The following MTMR8 variants were observed in gnomAD, a reference collection of about 807,000 sequenced individuals.
MTMR8 encodes phosphatidylinositol-3,5-bisphosphate 3-phosphatase MTMR8.
In MTMR8, 65 loss-of-function variants were observed where a neutral mutation model predicts 39.3. The observed-to-expected ratio is 1.65, with a 90% CI of 1.35 to 2.03. The LOEUF (loss-of-function observed/expected upper bound fraction) is 2.03. MTMR8 is among the 30% of genes most tolerant of loss of function. The probability of loss-of-function intolerance (pLI) is 0.00; values close to 1 mark genes in which losing one functional copy is unlikely to be tolerated. For missense variants in MTMR8, 777 were observed against 538.9 expected (o/e 1.44, Z -4.37); for synonymous variants, 245 against 185.2 (o/e 1.32, Z -2.62).
intron 12 of MTMR8, among the ~76,000 whole-genome samples, chrX:64,281,773 G>A (rs1324728647): frequency 2.7e-5 from 3 of 109,787 alleles, no homozygotes; most frequent in African/African-American, 1.0e-4. Flanking sequence ...CTACAAAATG[G>A]GAGAAAATTT....
intron 1 of MTMR8, among the ~76,000 whole-genome samples, chrX:64,370,600 C>G (rs1924104181): frequency 8.9e-6 from 1 of 111,843 alleles, no homozygotes; most frequent in African/African-American, 3.3e-5. Flanking sequence ...CATTTATCTA[C>G]TGAGGCCTTG....
intron 12 of MTMR8, among the ~76,000 whole-genome samples, chrX:64,300,405 C>CT (rs1326885626): frequency 7.2e-5 from 8 of 111,158 alleles, no homozygotes; most frequent in Non-Finnish European, 1.3e-4. Flanking sequence ...CAAACCCTGC[C>CT]TTTTTTTGTT....
In MTMR8 at chrX:64,335,974, T is replaced by A; in HGVS notation, c.1151+105A>T. 3 of 553,207 alleles carry A rather than the reference T, an allele frequency of 5.4e-6. No homozygotes were observed. The South Asian group carries it at 1.3e-4, about 24-fold the overall frequency. 45.6% of individuals were successfully genotyped at this position (553,207 alleles called of 1,213,427 possible). ...TTGATGAAAAGAGATTTATGCCATGTTCAACTTCCTCTTCCTTCCTTTACA... is the reference window on the plus strand; with the variant it reads ...TTGATGAAAAGAGATTTATGCCATGATCAACTTCCTCTTCCTTCCTTTACA... On this transcript the variant is annotated intron_variant, in intron 10 of 13. Transcript: ENST00000374852.
intron 12 of MTMR8, among the ~76,000 whole-genome samples, chrX:64,296,822 T>C (rs1487908540): frequency 2.1e-5 from 2 of 94,140 alleles, no homozygotes; most frequent in African/African-American, 8.0e-5. Flanking sequence ...TGAGTGAGAA[T>C]ATGCGGTGTT....
intron 6 of MTMR8, among the ~76,000 whole-genome samples, chrX:64,345,469 A>C (rs937429842): frequency 7.1e-5 from 8 of 112,199 alleles, no homozygotes; most frequent in Non-Finnish European, 1.5e-4. Context: ...TGATCTAAAA[A>C]ACTGAAATAA....
At chrX:64,341,854 C>T (rs1923228103) in intron 8 of MTMR8, among the ~76,000 whole-genome samples, 1 of 111,938 alleles carries the variant, frequency 8.9e-6, no homozygotes, top group African/African-American at 3.3e-5. Flanking sequence ...GGAATGTTTA[C>T]ATTTTATGTT....
chrX:64,268,298 T>C lies in MTMR8; in HGVS notation c.*239A>G, dbSNP rs956916251. 4 of 363,434 alleles carry C rather than the reference T, an allele frequency of 1.1e-5. No individual in the cohort carries two copies. Among genetic ancestry groups the C allele is most frequent in the Admixed American group, 5.2e-5 (1 of 19,346 alleles). The allele number at this position is 363,434 out of a possible 1,213,427, so 30.0% of individuals were successfully genotyped here. On this transcript the variant is annotated 3_prime_UTR_variant, in exon 14 of 14. Coordinates refer to ENST00000374852, the MANE Select transcript of MTMR8 (RefSeq NM_017677.4). ...TCTCAGCTGAGAGGCAACATTTCTA[T>C]AGTTAAATCCCATTTTAGAACAATA...
intron 6 of MTMR8, among the ~76,000 whole-genome samples, chrX:64,346,815 C>T (rs768622538): frequency 1.8e-5 from 2 of 110,607 alleles, no homozygotes; most frequent in Admixed American, 9.6e-5. Flanking sequence ...GTTCTCTTTA[C>T]TATTTTAAGA....
chrX:64,291,364 C>G (rs1257731483), intron 12 of MTMR8, among the ~76,000 whole-genome samples: 1 of 111,102 alleles, frequency 9.0e-6, no homozygotes, highest in Non-Finnish European at 1.9e-5. Flanking sequence ...TCAGAACCCT[C>G]TGACCCAGCA....
At chrX:64,270,752 G>A (rs148604978) in intron 13 of MTMR8, among the ~76,000 whole-genome samples, 195 bp downstream of exon 13, 1 of 111,608 alleles carries the variant, frequency 9.0e-6, no homozygotes, top group Non-Finnish European at 1.9e-5. Flanking sequence ...ATCTAGTTGA[G>A]TGACATATTT....
At chrX:64,290,352 G>T (rs1921352940) in intron 12 of MTMR8, among the ~76,000 whole-genome samples, 1 of 110,787 alleles carries the variant, frequency 9.0e-6, no homozygotes, top group South Asian at 3.8e-4. Context: ...AGAGGATCTT[G>T]CACATGCTGT....
At chrX:64,337,443 T>A (rs765626814) in intron 8 of MTMR8, 50 bp from the exon 9 acceptor site, 1 of 1,181,285 alleles carries the variant, frequency 8.5e-7, no homozygotes, top group South Asian at 1.9e-5. Context: ...TTGCACAGCT[T>A]GTTGGATTAA....
chrX:64,386,560 C>T (rs1168491740), intron 1 of MTMR8, among the ~76,000 whole-genome samples: 2 of 111,792 alleles, frequency 1.8e-5, no homozygotes, highest in East Asian at 5.6e-4. Flanking sequence ...GTAGAACACT[C>T]CCCCTACCAC....
intron 6 of MTMR8, among the ~76,000 whole-genome samples, chrX:64,345,642 A>C (rs1212341768): frequency 9.0e-6 from 1 of 111,717 alleles, no homozygotes; most frequent in Non-Finnish European, 1.9e-5. Context: ...ACAGTGTCTC[A>C]CTCTGTCATT....
At chrX:64,325,153 A>C (rs768460228) in intron 12 of MTMR8, among the ~76,000 whole-genome samples, 4 of 112,141 alleles carry the variant, frequency 3.6e-5, no homozygotes, top group Non-Finnish European at 7.5e-5. Flanking sequence ...TAATGAAATC[A>C]AAGCAGTAAT....
intron 12 of MTMR8, among the ~76,000 whole-genome samples, chrX:64,283,053 G>C (rs918940099): frequency 8.9e-6 from 1 of 112,228 alleles, no homozygotes; most frequent in African/African-American, 3.2e-5. Context: ...AGCGCAAGGG[G>C]TCAGGGAATT....
At chrX:64,363,308 G>T (rs1342256876) in intron 1 of MTMR8, among the ~76,000 whole-genome samples, 1 of 112,203 alleles carries the variant, frequency 8.9e-6, no homozygotes, top group Non-Finnish European at 1.9e-5. Context: ...TGGTGGTGGG[G>T]CCTGGTGGGA....
intron 12 of MTMR8, among the ~76,000 whole-genome samples, chrX:64,271,495 C>G (rs1218176407): frequency 8.9e-6 from 1 of 111,994 alleles, no homozygotes; most frequent in African/African-American, 3.2e-5. Flanking sequence ...AGAAATCCAG[C>G]AACTCATGGA....
In MTMR8 at chrX:64,360,780, G is replaced by A. The variant is rs753108836; in HGVS notation, c.25-1253C>T. 3.0e-4 allele frequency among the ~76,000 whole-genome samples: 34 copies of A among 111,702 alleles called. 1 individual carries two copies. The South Asian group carries it at 0.011, about 36-fold the overall frequency. On this transcript the variant is annotated intron_variant, in intron 1 of 13. Coordinates refer to ENST00000374852, the MANE Select transcript of MTMR8 (RefSeq NM_017677.4). ...AAAACACAACAAATAAAAATTTGAA[G>A]GACAGAGTTAAACAAGAACTAAGAA...
Sources: allele counts gnomAD v4.1 joint callset (sites outside exome capture counted in the v4.1 genomes callset), GRCh38; gene constraint gnomAD v4.1.1; transcripts MANE v1.5; gene names NCBI Gene and HGNC (gene_info 2026-07-23, HGNC 2026-07-21).